The following C10orf143 variants were observed in gnomAD, a reference collection of about 807,000 sequenced individuals.
C10orf143 encodes the protein chromosome 10 open reading frame 143, also known as uncharacterized protein C10orf143.
intron 1 of C10orf143, chr10:130,106,843 T>A (rs759280658): frequency 2.9e-5 from 34 of 1,154,816 alleles, no homozygotes; most frequent in South Asian, 2.7e-4. Context: ...ACATCAAGAC[T>A]CTGACTGAAC....
intron 3 of C10orf143, among the ~76,000 whole-genome samples, chr10:130,078,154 G>T (rs1861149882): frequency 6.6e-6 from 1 of 152,156 alleles, no homozygotes; most frequent in Non-Finnish European, 1.5e-5. Context: ...AGGTACTGTT[G>T]TTCAAACAGA....
chr10:130,054,608 T>C (rs188944869), intron 3 of C10orf143, among the ~76,000 whole-genome samples: 2 of 152,366 alleles, frequency 1.3e-5, no homozygotes, highest in African/African-American at 2.4e-5. Flanking sequence ...CTGTTTTCCA[T>C]AGCGGCTGCA....
At chr10:130,050,154 C>T (rs1860720206) in intron 3 of C10orf143, among the ~76,000 whole-genome samples, 1 of 152,236 alleles carries the variant, frequency 6.6e-6, no homozygotes, top group Non-Finnish European at 1.5e-5. Context: ...ACATTCCTGG[C>T]AGGCTGCAGG....
chr10:130,065,114 G>C lies in C10orf143; in HGVS notation c.298-731C>G, dbSNP rs1860909440. On this transcript the variant is annotated intron_variant, in intron 3 of 3. Transcript: ENST00000637128. The surrounding 1 kb of genome is among the most constrained non-coding windows in gnomAD (Gnocchi z 4.2). ...GCTGCAGCCCAGGAAGGGTGGGGTA[G>C]GCTGGGCAGTGGGGAAACAAAGAAG... 1 of 152,560 alleles carries C rather than the reference G, an allele frequency of 6.6e-6. No homozygotes were observed. Among genetic ancestry groups the C allele is most frequent in the Non-Finnish European group, 1.5e-5 (1 of 68,302 alleles). 9.5% of individuals were successfully genotyped at this position (152,560 alleles called of 1,614,324 possible). A position where few individuals can be genotyped will look rare whatever the true frequency, so the allele number is the denominator to read the frequency against.
intron 3 of C10orf143, among the ~76,000 whole-genome samples, chr10:130,073,418 T>C (rs537241657): frequency 6.6e-6 from 1 of 152,284 alleles, no homozygotes; most frequent in Non-Finnish European, 1.5e-5. Context: ...TATGCAAGGA[T>C]CCAAATTCTA....
At chr10:130,074,210 C>T (rs1861078135) in intron 3 of C10orf143, among the ~76,000 whole-genome samples, 1 of 152,206 alleles carries the variant, frequency 6.6e-6, no homozygotes, top group Non-Finnish European at 1.5e-5. Context: ...CCTGCCTCCC[C>T]ATCAACCACG....
chr10:130,096,245 C>A (rs1020775125), intron 1 of C10orf143, among the ~76,000 whole-genome samples: 7 of 152,002 alleles, frequency 4.6e-5, no homozygotes, highest in Admixed American at 1.3e-4. Context: ...AATGAGATAC[C>A]ATCTCACGCC....
chr10:130,103,405 A>G (rs1156541685), intron 1 of C10orf143, among the ~76,000 whole-genome samples: 1 of 152,226 alleles, frequency 6.6e-6, no homozygotes. Flanking sequence ...CAGAAGAATC[A>G]CTTGAACCCA....
At chr10:130,057,138 C>T (rs774593988) in intron 3 of C10orf143, among the ~76,000 whole-genome samples, 9 of 148,710 alleles carry the variant, frequency 6.1e-5, no homozygotes, top group East Asian at 6.0e-4. Context: ...ATGATCCTCC[C>T]GCCTCAGCCT....
At chr10:130,091,727 C>G (rs904159839) in intron 1 of C10orf143, among the ~76,000 whole-genome samples, 2 of 152,112 alleles carry the variant, frequency 1.3e-5, no homozygotes, top group African/African-American at 4.8e-5. Flanking sequence ...CATAAATGAC[C>G]TGATGGAGCT....
intron 1 of C10orf143, among the ~76,000 whole-genome samples, chr10:130,090,041 G>T (rs1381575625): frequency 6.6e-6 from 1 of 152,116 alleles, no homozygotes; most frequent in Non-Finnish European, 1.5e-5. Flanking sequence ...ATCCCTAAAA[G>T]AAACAAGTTG....
chr10:130,098,017 T>A (rs78147102), intron 1 of C10orf143, among the ~76,000 whole-genome samples: 1 of 146,924 alleles, frequency 6.8e-6, no homozygotes. Context: ...ATTACACACT[T>A]AAAAAAAAAA....
intron 1 of C10orf143, among the ~76,000 whole-genome samples, chr10:130,110,442 G>C (rs760848057): frequency 5.9e-5 from 9 of 152,268 alleles, no homozygotes; most frequent in Non-Finnish European, 1.2e-4. Flanking sequence ...TGGAGCCCCA[G>C]TGAGCGTGTG....
intron 3 of C10orf143, among the ~76,000 whole-genome samples, chr10:130,037,873 ACTTTTCCC>A (rs1860563101): frequency 1.3e-5 from 2 of 152,174 alleles, no homozygotes; most frequent in African/African-American, 4.8e-5. Flanking sequence ...AGCTCTTTAT[ACTTTTCCC>A]ATATTGCGGC....
In C10orf143 at chr10:130,078,264, T is replaced by C. The variant is rs75939450; in HGVS notation, c.297+1302A>G. On this transcript the variant is annotated intron_variant, in intron 3 of 3. Coordinates refer to ENST00000637128, the MANE Select transcript of C10orf143 (RefSeq NM_001355042.2). ...AAGCTCTCAAAGCAGTAAGAATCTG[T>C]ACTACATTCCAAGTGTTTGCTTCCA... Among the ~76,000 whole-genome samples the C allele has an allele frequency of 3.3e-3, 505 of 152,262 alleles. 6 individuals carry two copies. Among genetic ancestry groups the C allele is most frequent in the African/African-American group, 0.012 (480 of 41,552 alleles).
chr10:130,038,542 C>G (rs561032460), intron 3 of C10orf143, among the ~76,000 whole-genome samples: 22 of 152,146 alleles, frequency 1.4e-4, no homozygotes, highest in Admixed American at 1.2e-3. Flanking sequence ...GCTCACAATC[C>G]GGGAGGAAAA....
intron 1 of C10orf143, chr10:130,108,355 A>G (rs771157342): frequency 1.4e-5 from 18 of 1,287,132 alleles, no homozygotes; most frequent in African/African-American, 1.2e-4. Flanking sequence ...TTTTCCCCCG[A>G]CCCCCACATT....
intron 3 of C10orf143, chr10:130,066,252 A>G (rs549036343): frequency 2.0e-4 from 30 of 150,492 alleles, no homozygotes; most frequent in African/African-American, 6.6e-4. Flanking sequence ...CAGTGTCACA[A>G]TGATGGCTCA....
At chr10:130,068,320 AG>A (rs1465782920) in intron 3 of C10orf143, 2 of 152,328 alleles carry the variant, frequency 1.3e-5, no homozygotes, top group African/African-American at 4.8e-5. Context: ...AAAGAACTAA[AG>A]AAGGTCATGG....
Sources: gnomAD v4.1 joint callset for allele counts (sites outside exome capture counted in the v4.1 genomes callset) on GRCh38, gnomAD v4.1.1 for gene constraint, Gnocchi (gnomAD v3.1) non-coding constraint, MANE v1.5 for transcripts, NCBI Gene and HGNC (gene_info 2026-07-23, HGNC 2026-07-21) for gene names.